DDX60L: variants seen among roughly 807,000 people sequenced by gnomAD.
DDX60L encodes probable ATP-dependent RNA helicase DDX60-like.
DDX60L carries 191 observed loss-of-function variants against 211.6 expected under a neutral mutation model. The observed-to-expected ratio is 0.90, with a 90% CI of 0.80 to 1.02. The LOEUF is 1.02. DDX60L is among the 50% of genes least tolerant of loss of function. The pLI is 0.00. For synonymous variants in DDX60L, 706 were observed against 694.1 expected, an observed-to-expected ratio of 1.02 and a Z score of -0.27; for missense variants, 2,007 against 1,984.1, an observed-to-expected ratio of 1.01 and a Z score of -0.22.
intron 12 of DDX60L, among the ~76,000 whole-genome samples, chr4:168,432,098 T>A (rs1031454459): frequency 6.6e-6 from 1 of 152,072 alleles, no homozygotes; most frequent in African/African-American, 2.4e-5. Context: ...CATATGTACA[T>A]CCTTAAAAGA....
rs1752183521 is a variant in DDX60L, at chr4:168,430,504, T to C, written c.1651A>G (p.Ser551Gly). 1.9e-6 allele frequency: 3 copies of C among 1,605,966 alleles called. No homozygotes were observed. The highest frequency in any genetic ancestry group is 8.5e-7 in the Non-Finnish European group (1 of 1,177,470). Residue 551 changes from serine to glycine, a missense_variant, in exon 13 of 38, where the codon AGT becomes GGT. Physicochemically the swap from Ser to Gly is moderately conservative, Grantham distance 56. Coordinates refer to ENST00000682922, the MANE Select transcript of DDX60L (RefSeq NM_001012967.3). ...TQTTRPKEDS[S>G]GASGEILQNT... ...TGTAATATTTCACCACTGGCACCACTGGAATCCTCCTTTGGCCGAGTAGTT... is the reference window on the plus strand; with the variant it reads ...TGTAATATTTCACCACTGGCACCACCGGAATCCTCCTTTGGCCGAGTAGTT...
intron 30 of DDX60L, among the ~76,000 whole-genome samples, chr4:168,381,759 A>G (rs1174486121): frequency 1.3e-5 from 2 of 152,216 alleles, no homozygotes; most frequent in Non-Finnish European, 2.9e-5. Context: ...TGAAGCATCG[A>G]CAATTCTGAA....
intron 35 of DDX60L, 52 bp downstream of exon 35, chr4:168,373,614 C>T: frequency 6.4e-7 from 1 of 1,570,078 alleles, no homozygotes; most frequent in Non-Finnish European, 8.7e-7. Context: ...GCAATGTAAC[C>T]CCACTCTGTC....
Position 168,441,448 on chromosome 4 carries a change from C to T in DDX60L, c.1183G>A (p.Asp395Asn). The change falls in exon 10 of 38, where the codon GAC (aspartate) becomes AAC (asparagine). Residue 395 changes from aspartate to asparagine, a missense_variant. Physicochemically the swap from Asp to Asn is conservative, Grantham distance 23. Coordinates refer to ENST00000682922, the MANE Select transcript of DDX60L (RefSeq NM_001012967.3). The part of the protein sequence containing the change: ...LGDSIRRDYE[D>N]LWNVVSHLVK... The stretch of plus-strand genomic sequence containing the variant: ...AGGTGTGACACAACATTCCACAGGT[C>T]TTCATAATCCCTCCTAATGGAATCT... 6.2e-7 allele frequency: 1 copy of T among 1,611,290 alleles called. No homozygotes were observed. The highest frequency in any genetic ancestry group is 1.1e-5 in the South Asian group (1 of 90,470).
chr4:168,418,847 G>A (rs1161949322), intron 19 of DDX60L, among the ~76,000 whole-genome samples: 1 of 152,208 alleles, frequency 6.6e-6, no homozygotes, highest in Non-Finnish European at 1.5e-5. Flanking sequence ...TGGCCAGTGG[G>A]AAGCCTAGGC....
chr4:168,430,303 T>C (rs1752147205), intron 13 of DDX60L, among the ~76,000 whole-genome samples, 175 bp downstream of exon 13: 1 of 152,206 alleles, frequency 6.6e-6, no homozygotes, highest in Non-Finnish European at 1.5e-5. Flanking sequence ...TAAACCTTTT[T>C]TCTTTATAAA....
intron 36 of DDX60L, among the ~76,000 whole-genome samples, chr4:168,364,185 C>T (rs1739568762): frequency 6.6e-6 from 1 of 152,032 alleles, no homozygotes; most frequent in Non-Finnish European, 1.5e-5. Flanking sequence ...CCATTAAAGA[C>T]AAGCATAGAA....
intron 14 of DDX60L, 90 bp downstream of exon 14, chr4:168,426,980 G>A: frequency 1.5e-6 from 2 of 1,340,972 alleles, no homozygotes; most frequent in Middle Eastern, 2.3e-4. Context: ...ATTATACAAA[G>A]TTTTAGCACA....
In DDX60L at chr4:168,391,580, G is replaced by A. The variant is rs1270420634; in HGVS notation, c.3875C>T (p.Ala1292Val). ...AGCATCCAGATAGACTGAGTCTTGG[G>A]CAAAAACAACAGATTTGCATGGCAT... Reference protein sequence around the residue: ...IHMPCKSVVFAQDSVYLDALN... With the variant: ...IHMPCKSVVFVQDSVYLDALN... The change falls in exon 29 of 38, where the codon GCC (alanine) becomes GTC (valine). Residue 1292 changes from alanine (A) to valine (V), a missense_variant. By Grantham distance (64) the Ala-to-Val change is moderately conservative. Transcript: ENST00000682922. 3 of 1,607,942 alleles carry A rather than the reference G, an allele frequency of 1.9e-6. No homozygotes were observed. The highest frequency in any genetic ancestry group is 2.2e-5 in the East Asian group (1 of 44,704).
chr4:168,381,561 T>C (rs1417802829), intron 30 of DDX60L, among the ~76,000 whole-genome samples: 1 of 143,824 alleles, frequency 7.0e-6, no homozygotes, highest in Non-Finnish European at 1.5e-5. Context: ...AGGTTCTGAA[T>C]ATGATAAACA....
intron 27 of DDX60L, chr4:168,395,748 G>A (rs888688547): frequency 4.8e-5 from 21 of 439,110 alleles, no homozygotes; most frequent in African/African-American, 4.3e-4. Flanking sequence ...AAAATAAGAG[G>A]CTGACATTCA....
Position 168,358,880 on chromosome 4 carries a change from T to C in DDX60L, c.4992-604A>G, listed in dbSNP as rs182817029. On this transcript the variant is annotated intron_variant, in intron 37 of 37. Transcript: ENST00000682922. Reference sequence around the variant, plus strand: ...GAGTTTGTAAGACCACAGAATTCCATATTCTTAGAACCTAGAAGTGTTATT... The same window carrying C: ...GAGTTTGTAAGACCACAGAATTCCACATTCTTAGAACCTAGAAGTGTTATT... 2.6e-3 allele frequency among the ~76,000 whole-genome samples: 397 copies of C among 152,278 alleles called. 2 individuals carry two copies. The highest frequency in any genetic ancestry group is 9.0e-3 in the African/African-American group (376 of 41,550).
At chr4:168,464,397 T>C (rs1358821006) in intron 4 of DDX60L, among the ~76,000 whole-genome samples, 1 of 151,772 alleles carries the variant, frequency 6.6e-6, no homozygotes, top group African/African-American at 2.4e-5. Context: ...ATTAAAACAA[T>C]AGTTTTTTAA....
chr4:168,388,486 T>C (rs1030882080), intron 29 of DDX60L, among the ~76,000 whole-genome samples: 1 of 152,240 alleles, frequency 6.6e-6, no homozygotes, highest in Non-Finnish European at 1.5e-5. Flanking sequence ...CTGGCATTCA[T>C]TGAGCACTTA....
rs148127779 is a variant in DDX60L at position 168,477,519 on chromosome 4, G to T, written c.-111+2858C>A. ...ATTGCAAGATACACCATCATTTTAT[G>T]TACCACTAATTTTCTTAATACTAAC... On this transcript the variant is annotated intron_variant, in intron 1 of 37. Coordinates refer to ENST00000682922, the MANE Select transcript of DDX60L (RefSeq NM_001012967.3). 3.0e-3 allele frequency among the ~76,000 whole-genome samples: 461 copies of T among 152,012 alleles called. 5 individuals are homozygous for T. Among genetic ancestry groups the T allele is most frequent in the African/African-American group, 0.011 (450 of 41,444 alleles).
At chr4:168,443,806 A>C (rs1313462225) in intron 9 of DDX60L, among the ~76,000 whole-genome samples, 3 of 151,196 alleles carry the variant, frequency 2.0e-5, no homozygotes, top group Admixed American at 1.3e-4. Context: ...GAAATAAAAT[A>C]CTTTACAGAC....
intron 33 of DDX60L, 88 bp from the exon 34 acceptor site, chr4:168,375,612 T>A: frequency 8.4e-7 from 1 of 1,187,124 alleles, no homozygotes; most frequent in Middle Eastern, 2.0e-4. Context: ...CATAGTTCTG[T>A]AGATTGATGC....
rs947477855 is a variant in DDX60L, at chr4:168,416,709, G to A, written c.2699C>T (p.Thr900Ile). Residue 900 changes from threonine (T) to isoleucine (I), a missense_variant, in exon 20 of 38, where the codon ACC becomes ATC. Physicochemically the swap from Thr to Ile is moderately conservative, Grantham distance 89. Coordinates refer to ENST00000682922, the MANE Select transcript of DDX60L (RefSeq NM_001012967.3). ...GGTGAGAAGATTTGGGTTATTTATG[G>A]TAGCTGAAAGAACCAAAAAGGGACA... is the stretch of plus-strand genomic sequence containing the variant. ...IRCPFLVLSA[T>I]INNPNLLTKW... The A allele has an allele frequency of 6.3e-6, 10 of 1,599,340 alleles. No homozygotes were observed. The Admixed American group carries it at 1.4e-4, about 22-fold the overall frequency.
At chr4:168,411,787 C>T (rs1748719851) in intron 22 of DDX60L, among the ~76,000 whole-genome samples, 1 of 151,996 alleles carries the variant, frequency 6.6e-6, no homozygotes. Context: ...ATTGCATCAT[C>T]CCTCCCCCAA....
Sources: gnomAD v4.1 joint callset for allele counts (sites outside exome capture counted in the v4.1 genomes callset) on GRCh38, gnomAD v4.1.1 for gene constraint, MANE v1.5 for transcripts, NCBI Gene and HGNC (gene_info 2026-07-23, HGNC 2026-07-21) for gene names.